The following PCDH15 variants were observed in gnomAD, a reference collection of about 807,000 sequenced individuals.
PCDH15 encodes protocadherin-15.
A neutral mutation model predicts 178.5 loss-of-function variants in PCDH15; 129 were observed. The ratio of observed to expected loss-of-function variants is 0.72; its 90% CI spans 0.63 to 0.84. PCDH15 has a LOEUF of 0.84. Among genes scored for constraint, PCDH15 ranks in the 40% least tolerant of loss-of-function variants. The probability of loss-of-function intolerance (pLI) is 0.00; values close to 1 mark genes in which losing one functional copy is unlikely to be tolerated. For synonymous variants in PCDH15, 800 were observed against 732.0 expected, an observed-to-expected ratio of 1.09 and a Z score of -1.50; for missense variants, 2,230 against 2,099.9, an observed-to-expected ratio of 1.06 and a Z score of -1.21.
intron 16 of PCDH15, among the ~76,000 whole-genome samples, chr10:54,083,902 G>T (rs1181474396): frequency 6.6e-6 from 1 of 151,974 alleles, no homozygotes; most frequent in Non-Finnish European, 1.5e-5. Context: ...AATAGGGTTT[G>T]CCTAACTATA....
At chr10:53,911,203 T>C (rs1169697780) in intron 25 of PCDH15, among the ~76,000 whole-genome samples, 2 of 152,108 alleles carry the variant, frequency 1.3e-5, no homozygotes, top group East Asian at 3.9e-4. Flanking sequence ...GACCACATAG[T>C]TGGAAGTAAA....
intron 2 of PCDH15, among the ~76,000 whole-genome samples, chr10:54,987,634 CAT>C (rs1429955871): frequency 2.7e-5 from 4 of 150,630 alleles, no homozygotes; most frequent in East Asian, 3.9e-4. Flanking sequence ...AGCTTTTTTT[CAT>C]ATGTTTTTTG....
intron 25 of PCDH15, among the ~76,000 whole-genome samples, chr10:53,909,376 A>G (rs1389747167): frequency 1.3e-5 from 2 of 152,148 alleles, no homozygotes; most frequent in African/African-American, 4.8e-5. Context: ...ACAGACTAAT[A>G]CTGTAGGTGT....
intron 3 of PCDH15, among the ~76,000 whole-genome samples, chr10:54,414,288 G>T (rs4935519): frequency 0.79 from 120,537 of 151,940 alleles, 48,578 homozygotes; most frequent in East Asian, 0.97. Flanking sequence ...TCATTTACTC[G>T]AATCTACAAA....
intron 3 of PCDH15, among the ~76,000 whole-genome samples, chr10:54,807,447 T>C (rs1476272607): frequency 6.6e-6 from 1 of 151,938 alleles, no homozygotes; most frequent in Non-Finnish European, 1.5e-5. Flanking sequence ...TTAAGCTACA[T>C]GCAACAGAGG....
chr10:54,907,809 T>C (rs1248629631), intron 2 of PCDH15, among the ~76,000 whole-genome samples: 4 of 152,306 alleles, frequency 2.6e-5, no homozygotes, highest in South Asian at 4.1e-4. Context: ...AATGATATAA[T>C]TGAAAATAAT....
rs1842041366 is a variant in PCDH15, at chr10:55,081,488, G to A, written c.-80+85088C>T. ...AACTTTGGAGTACTTTCATCTTAAT[G>A]TTTGCTTACTCCCAAAGTGTATACA... On this transcript the variant is annotated intron_variant, in intron 2 of 5. Coordinates refer to the PCDH15 transcript ENST00000458638. Among the ~76,000 whole-genome samples, 3 of 152,114 alleles carry A rather than the reference G, an allele frequency of 2.0e-5. No individual in the cohort carries two copies. The South Asian group carries it at 6.2e-4, about 31-fold the overall frequency.
intron 1 of PCDH15, among the ~76,000 whole-genome samples, chr10:55,256,697 A>G (rs906727323): frequency 1.3e-5 from 2 of 152,200 alleles, no homozygotes; most frequent in African/African-American, 4.8e-5. Flanking sequence ...GCCATTGCTC[A>G]GGCCTGAGTA....
intron 3 of PCDH15, among the ~76,000 whole-genome samples, chr10:54,397,156 A>T (rs1951334874): frequency 6.6e-6 from 1 of 152,038 alleles, no homozygotes; most frequent in Non-Finnish European, 1.5e-5. Flanking sequence ...TGTTTACTTC[A>T]GAAAATTTTC....
rs1272620535 is a variant in PCDH15 at position 55,582,621 on chromosome 10, TATA to T, written c.-156+45001_-156+45003del. ...GTATATATATATATATATATATATATATATATATTTTTTTTTTTTTGCTATATT... is the reference window on the plus strand; with the variant it reads ...GTATATATATATATATATATATATATTATATTTTTTTTTTTTTGCTATATT... On this transcript the variant is annotated intron_variant, in intron 2 of 5. Coordinates refer to the PCDH15 transcript ENST00000613346. Among the ~76,000 whole-genome samples the T allele has an allele frequency of 6.5e-3, 611 of 94,618 alleles. 7 individuals are homozygous for T. Among genetic ancestry groups the T allele is most frequent in the East Asian group, 0.021 (54 of 2,596 alleles). The allele number at this position is 94,618 out of a possible 152,430, so 62.1% of individuals were successfully genotyped here. A position where few individuals can be genotyped will look rare whatever the true frequency, so the allele number is the denominator to read the frequency against.
At chr10:55,549,462 C>A (rs1841960959) in intron 2 of PCDH15, among the ~76,000 whole-genome samples, 1 of 152,030 alleles carries the variant, frequency 6.6e-6, no homozygotes. Context: ...TTTAACAAGG[C>A]TCTGTGTCAG....
chr10:55,034,272 A>G (rs1840683708), intron 2 of PCDH15, among the ~76,000 whole-genome samples: 1 of 152,124 alleles, frequency 6.6e-6, no homozygotes, highest in Non-Finnish European at 1.5e-5. Flanking sequence ...TAAAAATAAT[A>G]CTTTTTCCTG....
At chr10:54,691,399 T>C (rs1301182205) in intron 1 of PCDH15, among the ~76,000 whole-genome samples, 1 of 152,098 alleles carries the variant, frequency 6.6e-6, no homozygotes, top group Admixed American at 6.6e-5. Context: ...CCACCTCAGC[T>C]AGGAACCCAT....
At chr10:54,991,745 C>T (rs538305987) in intron 2 of PCDH15, among the ~76,000 whole-genome samples, 7 of 152,232 alleles carry the variant, frequency 4.6e-5, no homozygotes, top group African/African-American at 1.7e-4. Context: ...TATTTAAAAT[C>T]ACTCGACTTA....
chr10:54,361,805 A>G (rs1411914849), intron 5 of PCDH15, among the ~76,000 whole-genome samples: 1 of 152,106 alleles, frequency 6.6e-6, no homozygotes, highest in Admixed American at 6.6e-5. Flanking sequence ...CTCGGGAAAT[A>G]AATATGAATT....
intron 8 of PCDH15, among the ~76,000 whole-genome samples, chr10:54,238,329 T>C (rs1358475149): frequency 6.6e-6 from 1 of 152,064 alleles, no homozygotes; most frequent in Admixed American, 6.6e-5. Context: ...AAAAGAGCAA[T>C]GATATTAAAA....
At chr10:54,204,392 T>C (rs2050564610) in intron 10 of PCDH15, among the ~76,000 whole-genome samples, 1 of 151,718 alleles carries the variant, frequency 6.6e-6, no homozygotes, top group African/African-American at 2.4e-5. Context: ...GCTGTTAGAA[T>C]CCTATAGTGG....
chr10:53,854,549 G>C (rs2078600369), intron 28 of PCDH15, among the ~76,000 whole-genome samples: 1 of 151,874 alleles, frequency 6.6e-6, no homozygotes, highest in Admixed American at 6.6e-5. Context: ...AGTGGCTCTA[G>C]GTGCTAAGTA....
intron 2 of PCDH15, among the ~76,000 whole-genome samples, chr10:54,994,140 A>G (rs985334295): frequency 7.2e-5 from 11 of 152,316 alleles, no homozygotes; most frequent in African/African-American, 2.6e-4. Flanking sequence ...GCTTTTTAAA[A>G]AATGATGTTT....
Sources: gnomAD v4.1 joint callset for allele counts (sites outside exome capture counted in the v4.1 genomes callset) on GRCh38, gnomAD v4.1.1 for gene constraint, MANE v1.5 for transcripts, NCBI Gene and HGNC (gene_info 2026-07-23, HGNC 2026-07-21) for gene names.